PHLPP1: variants seen among roughly 807,000 people sequenced by gnomAD.
PHLPP1 encodes the protein PH domain leucine-rich repeat-containing protein phosphatase 1.
A neutral mutation model predicts 117.2 loss-of-function variants in PHLPP1; 42 were observed. The observed-to-expected ratio is 0.36, with a 90% CI of 0.28 to 0.46. The LOEUF is 0.46. Ranked by LOEUF, PHLPP1 falls within the 20% of genes least tolerant of loss-of-function variation. PHLPP1 has a pLI of 1.00. For missense variants in PHLPP1, 2,084 were observed against 2,241.9 expected, an observed-to-expected ratio of 0.93 and a Z score of 1.42; for synonymous variants, 1,042 against 970.7, an observed-to-expected ratio of 1.07 and a Z score of -1.37.
chr18:62,837,295 G>A (rs1914932715), intron 2 of PHLPP1, among the ~76,000 whole-genome samples: 1 of 152,096 alleles, frequency 6.6e-6, no homozygotes, highest in South Asian at 2.1e-4. Flanking sequence ...TGGCTGATAG[G>A]ACTATTTAGG....
In PHLPP1 at chr18:62,905,221, TAG is replaced by T; in HGVS notation, c.2648-1_2648del. On this transcript the variant is annotated splice_acceptor_variant, in intron 7 of 16. Coordinates refer to ENST00000262719, the MANE Select transcript of PHLPP1 (RefSeq NM_194449.4). LOFTEE classifies it high-confidence loss of function. The stretch of plus-strand genomic sequence containing the variant: ...TTTGTGGGGTTTTTTTTTTTCTTCC[TAG>T]AACTTGTTCAACTTGATGTTTACCC... The T allele has an allele frequency of 6.6e-7, 1 of 1,526,544 alleles. No individual in the cohort carries two copies. The highest frequency in any genetic ancestry group is 1.4e-5 in the South Asian group (1 of 73,872). The allele number at this position is 1,526,544 out of a possible 1,614,324, so 94.6% of individuals were successfully genotyped here.
In PHLPP1 at chr18:62,879,990, G is replaced by A. The variant is rs567759802; in HGVS notation, c.2067-15021G>A. The stretch of plus-strand genomic sequence containing the variant: ...CTTCCTCCCCCCACCCCCCAATGCC[G>A]CCAGTAAGTTTTCAGTTTTCACCTT... On this transcript the variant is annotated intron_variant, in intron 4 of 16. Coordinates refer to ENST00000262719, the MANE Select transcript of PHLPP1 (RefSeq NM_194449.4). Among the ~76,000 whole-genome samples the A allele has an allele frequency of 1.2e-4, 17 of 146,804 alleles. 1 individual carries two copies. Among genetic ancestry groups the A allele is most frequent in the South Asian group, 8.6e-4 (4 of 4,632 alleles).
chr18:62,831,261 T>C (rs1914749978), intron 2 of PHLPP1, among the ~76,000 whole-genome samples: 1 of 152,130 alleles, frequency 6.6e-6, no homozygotes. Context: ...TTAAGTGATA[T>C]GTTAATAAAT....
At chr18:62,883,678 T>C (rs1916217836) in intron 4 of PHLPP1, among the ~76,000 whole-genome samples, 1 of 152,180 alleles carries the variant, frequency 6.6e-6, no homozygotes, top group Non-Finnish European at 1.5e-5. Context: ...GTTATACTTT[T>C]AGAAGTATAG....
At chr18:62,915,322 A>C (rs958209668) in intron 9 of PHLPP1, among the ~76,000 whole-genome samples, 1 of 152,212 alleles carries the variant, frequency 6.6e-6, no homozygotes, top group African/African-American at 2.4e-5. Flanking sequence ...TGGAATCTTA[A>C]GTCTTTCAGA....
At chr18:62,975,126 C>T (rs1429201697) in intron 15 of PHLPP1, among the ~76,000 whole-genome samples, 1 of 152,134 alleles carries the variant, frequency 6.6e-6, no homozygotes, top group African/African-American at 2.4e-5. Flanking sequence ...CCAGGGGCAC[C>T]CGCCTTCCAG....
intron 10 of PHLPP1, among the ~76,000 whole-genome samples, chr18:62,937,326 C>T (rs976365099): frequency 4.6e-5 from 7 of 152,358 alleles, no homozygotes; most frequent in African/African-American, 1.7e-4. Flanking sequence ...TGTCTTTTCT[C>T]TGAGACTTTT....
intron 4 of PHLPP1, among the ~76,000 whole-genome samples, chr18:62,874,699 T>G (rs925993643): frequency 9.9e-5 from 15 of 151,872 alleles, no homozygotes; most frequent in African/African-American, 3.6e-4. Flanking sequence ...ACACTCTCGC[T>G]CTCTGTCTCT....
At position 62,717,233 on chromosome 18, in the gene PHLPP1, T is replaced by C. The variant is rs762807162; in HGVS notation, c.1550T>C (p.Ile517Thr). 7 of 1,599,058 alleles carry C rather than the reference T, an allele frequency of 4.4e-6. No individual in the cohort carries two copies. The highest frequency in any genetic ancestry group is 2.7e-5 in the African/African-American group (2 of 74,492). The change falls in exon 1 of 17, where the codon ATT (isoleucine) becomes ACT (threonine). Residue 517 changes from isoleucine (I) to threonine (T), a missense_variant. Physicochemically the swap from Ile to Thr is moderately conservative, Grantham distance 89. Around this residue, in one of 2 missense-constraint regions of PHLPP1, gnomAD observed 1,365 missense variants for 1,605.9 expected, o/e 0.85. Coordinates refer to ENST00000262719, the MANE Select transcript of PHLPP1 (RefSeq NM_194449.4). ...CAGGAGGAAGGCATGGACTCGGAGATTGGCTGCCTCATCCGCTTCTATGCA... is the reference window on the plus strand; with the variant it reads ...CAGGAGGAAGGCATGGACTCGGAGACTGGCTGCCTCATCCGCTTCTATGCA... ...RVQEEGMDSE[I>T]GCLIRFYAGK...
Position 62,979,076 on chromosome 18 carries a change from A to G in PHLPP1, c.4799A>G (p.Asn1600Ser), listed in dbSNP as rs1345285851. 4.3e-6 allele frequency: 7 copies of G among 1,613,746 alleles called. No homozygotes were observed. The highest frequency in any genetic ancestry group is 1.7e-5 in the Admixed American group (1 of 59,990). ...ASDEGIVISA[N>S]EDEPGLPRKA... ...GATGAGGGCATTGTCATCAGCGCCAACGAGGATGAGCCAGGTCTGCCCAGG... is the reference window on the plus strand; with the variant it reads ...GATGAGGGCATTGTCATCAGCGCCAGCGAGGATGAGCCAGGTCTGCCCAGG... Residue 1600 changes from asparagine (N) to serine (S), a missense_variant, in exon 17 of 17, where the codon AAC becomes AGC. Physicochemically the swap from Asn to Ser is conservative, Grantham distance 46. Transcript: ENST00000262719.
chr18:62,970,349 T>G (rs779849977), intron 14 of PHLPP1, among the ~76,000 whole-genome samples: 39 of 152,256 alleles, frequency 2.6e-4, no homozygotes, highest in Admixed American at 5.9e-4. Flanking sequence ...TAAAGCAGTG[T>G]TTCTCAACTT....
At chr18:62,821,126 G>A (rs778303239) in intron 1 of PHLPP1, among the ~76,000 whole-genome samples, 22 of 152,112 alleles carry the variant, frequency 1.4e-4, no homozygotes, top group Non-Finnish European at 2.8e-4. Context: ...AGAAAGAAGA[G>A]AATCTCAAAA....
intron 8 of PHLPP1, among the ~76,000 whole-genome samples, chr18:62,912,522 C>A (rs1166894235): frequency 2.0e-5 from 3 of 151,978 alleles, no homozygotes; most frequent in African/African-American, 7.3e-5. Flanking sequence ...CCAGCAACCC[C>A]AAATGTTATT....
chr18:62,773,874 G>T (rs924513590), intron 1 of PHLPP1, among the ~76,000 whole-genome samples: 1 of 152,106 alleles, frequency 6.6e-6, no homozygotes, highest in African/African-American at 2.4e-5. Context: ...GTTGATGGAG[G>T]CCTGTTTCCT....
intron 4 of PHLPP1, among the ~76,000 whole-genome samples, chr18:62,879,404 A>ATGTGTG (rs61701836): frequency 0.015 from 2,116 of 145,914 alleles, 50 homozygotes; most frequent in African/African-American, 0.05. Context: ...TATTCTGGAT[A>ATGTGTG]TGTGTGTGTG....
chr18:62,940,349 C>CTTTTTTTTTTT (rs1568168241), intron 10 of PHLPP1, among the ~76,000 whole-genome samples: 1 of 72,068 alleles, frequency 1.4e-5, no homozygotes, highest in Non-Finnish European at 2.9e-5. Context: ...CTTTTTCTTT[C>CTTTTTTTTTTT]TTTTCTTTTT....
chr18:62,891,888 C>CAAAAAGA (rs1916421714), intron 4 of PHLPP1, among the ~76,000 whole-genome samples: 1 of 79,124 alleles, frequency 1.3e-5, no homozygotes, highest in Non-Finnish European at 2.4e-5. Flanking sequence ...GACCCTTTCT[C>CAAAAAGA]AAAAAAAAAA....
intron 1 of PHLPP1, among the ~76,000 whole-genome samples, chr18:62,743,834 C>A (rs1911601737): frequency 6.6e-6 from 1 of 152,106 alleles, no homozygotes; most frequent in African/African-American, 2.4e-5. Context: ...GTTATTTGTC[C>A]TGTAGAGTTT....
intron 10 of PHLPP1, among the ~76,000 whole-genome samples, chr18:62,926,706 T>C (rs543326158): frequency 6.6e-6 from 1 of 152,330 alleles, no homozygotes; most frequent in Non-Finnish European, 1.5e-5. Context: ...TTGAGAATTC[T>C]GCACTAAGGA....
Sources: gnomAD v4.1 joint callset for allele counts (sites outside exome capture counted in the v4.1 genomes callset) on GRCh38, gnomAD v4.1.1 for gene constraint, gnomAD v4.1.1 regional missense constraint, MANE v1.5 for transcripts, NCBI Gene and HGNC (gene_info 2026-07-23, HGNC 2026-07-21) for gene names.